The following DRC4 variants were observed in gnomAD, a reference collection of about 807,000 sequenced individuals.
DRC4 encodes GAS-11.
chr16:90,028,020 C>T, the DRC4 span: 4 of 376,634 alleles, frequency 1.1e-5, no homozygotes, highest in African/African-American at 6.1e-5. Context: ...TCAATCTTAC[C>T]CTTTTTTTGC....
At chr16:90,028,241 G>A in the DRC4 span, among the ~76,000 whole-genome samples, 1 of 136,760 alleles carries the variant, frequency 7.3e-6, no homozygotes, top group African/African-American at 2.8e-5. Context: ...CTGGAGTGCA[G>A]TGGCGCGATC....
the DRC4 span, chr16:90,031,149 C>T: frequency 6.7e-7 from 1 of 1,503,368 alleles, no homozygotes; most frequent in Non-Finnish European, 8.9e-7. Flanking sequence ...AGCTTCCTAG[C>T]CTTATATTTT....
chr16:90,023,710 GAGTCT>G, the DRC4 span, among the ~76,000 whole-genome samples: 1 of 150,750 alleles, frequency 6.6e-6, no homozygotes, highest in Non-Finnish European at 1.5e-5. Context: ...ACTAGGCCAG[GAGTCT>G]GGGCGCGGTG....
the DRC4 span, chr16:90,044,142 C>A: frequency 2.2e-6 from 1 of 455,702 alleles, no homozygotes. Context: ...AAGCCACAGC[C>A]CAGTAAGTCA....
the DRC4 span, chr16:90,028,811 T>G: frequency 1.4e-6 from 1 of 695,026 alleles, no homozygotes; most frequent in Non-Finnish European, 2.1e-6. Context: ...TTAATAAATC[T>G]TACCTTCTTT....
the DRC4 span, chr16:90,043,378 C>G: frequency 6.3e-7 from 1 of 1,591,794 alleles, no homozygotes; most frequent in Non-Finnish European, 8.5e-7. Flanking sequence ...CCCAGAGAAC[C>G]AGCCTAGGAA....
the DRC4 span, chr16:90,037,057 A>G: frequency 3.2e-6 from 2 of 634,390 alleles, no homozygotes; most frequent in Non-Finnish European, 5.5e-6. Context: ...AAAACTCAGA[A>G]TAAGTTGAAG....
At chr16:90,031,099 A>G in the DRC4 span, 1 of 1,236,346 alleles carries the variant, frequency 8.1e-7, no homozygotes, top group South Asian at 1.5e-5. Flanking sequence ...GGCCAAATTG[A>G]AGAGAATTCT....
At chr16:90,024,140 T>A in the DRC4 span, among the ~76,000 whole-genome samples, 75,447 of 143,356 alleles carry the variant, frequency 0.53, 20,132 homozygotes, top group East Asian at 0.97. Flanking sequence ...ACACACACAC[T>A]CACACACACA....
At chr16:90,040,551 T>A in the DRC4 span, 1 of 1,504,204 alleles carries the variant, frequency 6.6e-7, no homozygotes, top group Non-Finnish European at 8.9e-7. Context: ...GGCGGCCTCA[T>A]CCCTGTGGCA....
At chr16:90,042,561 A>G in the DRC4 span, 7 of 1,598,142 alleles carry the variant, frequency 4.4e-6, no homozygotes, top group Non-Finnish European at 5.1e-6. Flanking sequence ...GCCCTCCCTC[A>G]GGGGCACCCC....
the DRC4 span, chr16:90,037,365 T>C: frequency 6.2e-7 from 1 of 1,613,900 alleles, no homozygotes; most frequent in East Asian, 2.2e-5. Flanking sequence ...CAGAAACAGC[T>C]CGCAAACTAC....
the DRC4 span, among the ~76,000 whole-genome samples, chr16:90,028,684 T>A: frequency 6.6e-6 from 1 of 152,332 alleles, no homozygotes; most frequent in Non-Finnish European, 1.5e-5. Context: ...CCTAAAAGGC[T>A]CCTGGAGACG....
the DRC4 span, chr16:90,042,421 C>T: frequency 1.9e-6 from 3 of 1,568,500 alleles, no homozygotes; most frequent in Non-Finnish European, 2.6e-6. Flanking sequence ...GCTCCCGTTG[C>T]CTCGGCCAAA....
the DRC4 span, chr16:90,037,478 G>A: frequency 6.7e-7 from 1 of 1,483,428 alleles, no homozygotes; most frequent in Non-Finnish European, 9.1e-7. Context: ...CACAGGGAGG[G>A]GCTTGGCCCT....
chr16:90,034,654 T>C, the DRC4 span, among the ~76,000 whole-genome samples: 3 of 151,970 alleles, frequency 2.0e-5, no homozygotes, highest in African/African-American at 7.2e-5. Context: ...TTAAAAATAA[T>C]TTATTTTTTT....
the DRC4 span, among the ~76,000 whole-genome samples, chr16:90,028,263 T>C: frequency 9.1e-5 from 13 of 142,286 alleles, no homozygotes; most frequent in Admixed American, 3.8e-4. Context: ...CGGCTCACTG[T>C]GAGCTCCACC....
chr16:90,037,397 C>G, the DRC4 span: 1 of 1,610,006 alleles, frequency 6.2e-7, no homozygotes, highest in Non-Finnish European at 8.5e-7. Context: ...GCAGATCCTG[C>G]TTGTGAGTTT....
the DRC4 span, chr16:90,043,813 C>T: frequency 2.1e-6 from 1 of 468,756 alleles, no homozygotes; most frequent in African/African-American, 2.0e-5. Context: ...AGTGGTGAGC[C>T]AATGCTCCCT....
Sources: allele counts gnomAD v4.1 joint callset (sites outside exome capture counted in the v4.1 genomes callset), GRCh38; gene constraint gnomAD v4.1.1; transcripts MANE v1.5; gene names NCBI Gene and HGNC (gene_info 2026-07-23, HGNC 2026-07-21).